The following ARHGAP22 variants were observed in gnomAD, a reference collection of about 807,000 sequenced individuals.
ARHGAP22 encodes rho GTPase-activating protein 22.
In ARHGAP22, 48 loss-of-function variants were observed where a neutral mutation model predicts 59.1. The ratio of observed to expected loss-of-function variants is 0.81; its 90% CI spans 0.64 to 1.03. The LOEUF (loss-of-function observed/expected upper bound fraction) is 1.03, where lower values mean the gene tolerates loss of function less well. Among genes scored for constraint, ARHGAP22 ranks in the 50% least tolerant of loss-of-function variants. The pLI is 0.00. For synonymous variants in ARHGAP22, 445 were observed against 416.4 expected (o/e 1.07, Z -0.84); for missense variants, 1,015 against 958.7 (o/e 1.06, Z -0.78).
intron 3 of ARHGAP22, among the ~76,000 whole-genome samples, chr10:48,508,587 T>C (rs891700853): frequency 2.0e-5 from 3 of 152,150 alleles, no homozygotes. Context: ...TGGGTAGGGA[T>C]CCATGGGAAA....
intron 3 of ARHGAP22, among the ~76,000 whole-genome samples, chr10:48,536,938 C>A (rs1056957459): frequency 6.6e-6 from 1 of 152,236 alleles, no homozygotes; most frequent in South Asian, 2.1e-4. Context: ...CAACCAATCA[C>A]CCCTCTTCTG....
chr10:48,615,529 A>G (rs1176950483), intron 1 of ARHGAP22, among the ~76,000 whole-genome samples: 7 of 152,348 alleles, frequency 4.6e-5, no homozygotes, highest in Non-Finnish European at 1.0e-4. Flanking sequence ...CAAAGTGTCC[A>G]GTTTTCAACA....
At chr10:48,588,275 G>C (rs2059549684) in intron 1 of ARHGAP22, among the ~76,000 whole-genome samples, 1 of 152,170 alleles carries the variant, frequency 6.6e-6, no homozygotes, top group South Asian at 2.1e-4. Context: ...CACCCTGCAG[G>C]ATAGGAAAGG....
intron 8 of ARHGAP22, 51 bp downstream of exon 8, chr10:48,453,253 G>A: frequency 6.2e-7 from 1 of 1,608,806 alleles, no homozygotes. Context: ...GGACCAAGAT[G>A]AGCCCAGACC....
chr10:48,552,295 T>G (rs1460324490), intron 3 of ARHGAP22, among the ~76,000 whole-genome samples: 1 of 152,258 alleles, frequency 6.6e-6, no homozygotes, highest in African/African-American at 2.4e-5. Flanking sequence ...CTGGAAGTGA[T>G]CCGGGGTTTG....
chr10:48,650,319 C>G (rs953881442), intron 1 of ARHGAP22, among the ~76,000 whole-genome samples: 2 of 152,086 alleles, frequency 1.3e-5, no homozygotes, highest in African/African-American at 4.8e-5. Context: ...AGAAGCCAGA[C>G]ACGAGGCTTC....
At chr10:48,557,964 A>C in intron 2 of ARHGAP22, among the ~76,000 whole-genome samples, 1 of 152,362 alleles carries the variant, frequency 6.6e-6, no homozygotes, top group Non-Finnish European at 1.5e-5. Context: ...CACTCAGGGT[A>C]GGTCTCAACT....
intron 3 of ARHGAP22, among the ~76,000 whole-genome samples, chr10:48,495,118 C>T (rs191099023): frequency 1.1e-4 from 16 of 152,312 alleles, no homozygotes; most frequent in Non-Finnish European, 1.8e-4. Context: ...AAGGAATGTA[C>T]GACTTATGAA....
chr10:48,655,031 A>T (rs138429049), upstream of ARHGAP22, among the ~76,000 whole-genome samples: 11,351 of 31,222 alleles, frequency 0.36, 887 homozygotes, highest in Non-Finnish European at 0.38. Context: ...TCTTTCTTTC[A>T]TTCTTTCTTT....
intron 3 of ARHGAP22, among the ~76,000 whole-genome samples, chr10:48,536,434 C>G (rs1394112402): frequency 6.6e-6 from 1 of 152,226 alleles, no homozygotes; most frequent in African/African-American, 2.4e-5. Flanking sequence ...GAGTTGGCCT[C>G]AGATGGCCAG....
intron 4 of ARHGAP22, among the ~76,000 whole-genome samples, chr10:48,472,148 C>T (rs56390836): frequency 0.15 from 22,975 of 150,556 alleles, 1,802 homozygotes; most frequent in African/African-American, 0.16. Context: ...GAAGAGGTTG[C>T]GTTGAGCCCA....
intron 5 of ARHGAP22, among the ~76,000 whole-genome samples, chr10:48,458,233 C>A (rs919393195): frequency 1.3e-5 from 2 of 152,072 alleles, no homozygotes; most frequent in Admixed American, 6.5e-5. Context: ...GTAGAAGCAG[C>A]CAGAGAGGGA....
chr10:48,487,962 T>G (rs1461397993), intron 3 of ARHGAP22, among the ~76,000 whole-genome samples: 1 of 152,164 alleles, frequency 6.6e-6, no homozygotes, highest in Non-Finnish European at 1.5e-5. Context: ...TTCCAGCTAC[T>G]AAGGAGTCTG....
chr10:48,594,673 C>T (rs2059958849), intron 1 of ARHGAP22, among the ~76,000 whole-genome samples: 1 of 152,132 alleles, frequency 6.6e-6, no homozygotes, highest in African/African-American at 2.4e-5. Context: ...CTGTTTTGCC[C>T]ATGTACTGGG....
At chr10:48,613,735 T>C (rs550880179) in intron 1 of ARHGAP22, among the ~76,000 whole-genome samples, 7 of 151,718 alleles carry the variant, frequency 4.6e-5, no homozygotes, top group Admixed American at 2.6e-4. Flanking sequence ...CTCCAACATC[T>C]AAGGATTGTT....
At chr10:48,543,847 C>G (rs546652250) in intron 3 of ARHGAP22, among the ~76,000 whole-genome samples, 1 of 152,040 alleles carries the variant, frequency 6.6e-6, no homozygotes, top group Non-Finnish European at 1.5e-5. Context: ...AGAGGCTGGG[C>G]GTGGTGGCTC....
chr10:48,470,669 G>A (rs2048150174), intron 4 of ARHGAP22, among the ~76,000 whole-genome samples: 1 of 152,220 alleles, frequency 6.6e-6, no homozygotes, highest in Non-Finnish European at 1.5e-5. Flanking sequence ...ACCAGAACTA[G>A]TCTCAAGTAC....
At chr10:48,541,273 TC>T (rs2055902367) in intron 3 of ARHGAP22, among the ~76,000 whole-genome samples, 1 of 152,132 alleles carries the variant, frequency 6.6e-6, no homozygotes, top group Non-Finnish European at 1.5e-5. Context: ...GCCACATTCC[TC>T]CCCACATCCT....
chr10:48,442,208 T>C (rs545417933), downstream of ARHGAP22, among the ~76,000 whole-genome samples: 1 of 152,312 alleles, frequency 6.6e-6, no homozygotes, highest in African/African-American at 2.4e-5. Context: ...TCCCTGCAAG[T>C]GCCTCAACTC....
Sources: allele counts gnomAD v4.1 joint callset (sites outside exome capture counted in the v4.1 genomes callset), GRCh38; gene constraint gnomAD v4.1.1; transcripts MANE v1.5; gene names NCBI Gene and HGNC (gene_info 2026-07-23, HGNC 2026-07-21).